TTC39C: variants seen among roughly 807,000 people sequenced by gnomAD.
TTC39C encodes the protein tetratricopeptide repeat domain 39C.
In TTC39C, 33 loss-of-function variants were observed where a neutral mutation model predicts 76.3. The observed-to-expected ratio is 0.43, with a 90% CI of 0.33 to 0.58. The LOEUF is 0.58. Among genes scored for constraint, TTC39C ranks in the 20% least tolerant of loss-of-function variants. The pLI is 0.04. For synonymous variants in TTC39C, 254 were observed against 260.6 expected, an observed-to-expected ratio of 0.97 and a Z score of 0.24; for missense variants, 595 against 701.4, an observed-to-expected ratio of 0.85 and a Z score of 1.71.
At chr18:24,064,542 G>T (rs186822131) in intron 2 of TTC39C, among the ~76,000 whole-genome samples, 24 of 152,300 alleles carry the variant, frequency 1.6e-4, no homozygotes, top group African/African-American at 5.5e-4. Context: ...ATGTGGACTA[G>T]AAGTCAAGTT....
At chr18:24,024,703 G>A (rs1338544916) in intron 1 of TTC39C, among the ~76,000 whole-genome samples, 2 of 152,104 alleles carry the variant, frequency 1.3e-5, no homozygotes, top group Non-Finnish European at 2.9e-5. Flanking sequence ...AAATCCCTCT[G>A]CACACCAACA....
chr18:24,113,504 C>T (rs2145807757), intron 6 of TTC39C: 1 of 687,956 alleles, frequency 1.5e-6, no homozygotes, highest in South Asian at 1.5e-5. Context: ...ATAGAGAAAG[C>T]AGCAGGAGAC....
At chr18:24,129,028 C>A in intron 11 of TTC39C, 45 bp downstream of exon 11, 1 of 1,481,968 alleles carries the variant, frequency 6.7e-7, no homozygotes, top group Non-Finnish European at 9.4e-7. Context: ...AAGTCACGAA[C>A]ACCTACGTAT....
At chr18:23,994,511 G>A (rs770845137) in intron 1 of TTC39C, 5 of 152,122 alleles carry the variant, frequency 3.3e-5, no homozygotes, top group African/African-American at 7.2e-5. Context: ...AAACCCATTA[G>A]CCTAGTTTAA....
intron 12 of TTC39C, among the ~76,000 whole-genome samples, chr18:24,131,063 A>C (rs1400603050): frequency 2.7e-5 from 4 of 147,152 alleles, no homozygotes; most frequent in Admixed American, 6.8e-5. Flanking sequence ...AAAAATCAAA[A>C]AACATAGTCA....
At chr18:24,020,039 C>T (rs1403073867) in intron 1 of TTC39C, 9 of 1,391,376 alleles carry the variant, frequency 6.5e-6, no homozygotes, top group Middle Eastern at 2.0e-4. Flanking sequence ...GTCATCTGCT[C>T]ACAGACAAGA....
At chr18:24,011,794 C>T (rs2083395289), upstream of TTC39C, among the ~76,000 whole-genome samples, 1 of 152,124 alleles carries the variant, frequency 6.6e-6, no homozygotes, top group South Asian at 2.1e-4. Flanking sequence ...TTCTTTTTCT[C>T]TTTTTTTCTC....
At chr18:24,026,781 C>G (rs563452906) in intron 1 of TTC39C, among the ~76,000 whole-genome samples, 14 of 152,290 alleles carry the variant, frequency 9.2e-5, no homozygotes, top group South Asian at 6.2e-4. Context: ...TTTGTTGCCT[C>G]CTTCCATCTG....
rs760218824 is a variant in TTC39C at position 24,130,402 on chromosome 18, A to G, written c.1608A>G (p.Leu536=). Residue 536 remains leucine (L), a synonymous_variant, in exon 12 of 14, where the codon CTA becomes CTG. Coordinates refer to ENST00000317571, the MANE Select transcript of TTC39C (RefSeq NM_001135993.2). ...CCTGTTATGAACTTGGCTGTCTTCT[A>G]TTAGACAAACCAGAGGTAAGATCTT... ...PYACYELGCL[L]LDKPETVGRG... is the part of the protein sequence containing the mutation. The G allele has an allele frequency of 3.3e-6, 5 of 1,526,460 alleles. No individual in the cohort carries two copies. The highest frequency in any genetic ancestry group is 1.9e-5 in the Admixed American group (1 of 51,596). 94.6% of individuals were successfully genotyped at this position (1,526,460 alleles called of 1,614,324 possible). A position where few individuals can be genotyped will look rare whatever the true frequency, so the allele number is the denominator to read the frequency against.
chr18:24,119,125 AT>A (rs11347012), intron 8 of TTC39C, among the ~76,000 whole-genome samples: 152,342 of 152,360 alleles, frequency 1, 76,162 homozygotes, highest in Middle Eastern at 1. Context: ...TCTGTTTTGA[AT>A]TAAGTGTTTT....
At chr18:24,007,107 A>T (rs1599227088) in intron 1 of TTC39C, among the ~76,000 whole-genome samples, 1 of 152,354 alleles carries the variant, frequency 6.6e-6, no homozygotes, top group South Asian at 2.1e-4. Context: ...CGTGGCACAG[A>T]GTTCTGGGTT....
chr18:24,083,288 C>T (rs560405038), intron 6 of TTC39C, among the ~76,000 whole-genome samples: 23 of 152,164 alleles, frequency 1.5e-4, no homozygotes, highest in Middle Eastern at 3.4e-3. Flanking sequence ...AAGATGTGGG[C>T]GAAGTAGGGG....
intron 1 of TTC39C, among the ~76,000 whole-genome samples, chr18:24,017,201 T>G (rs1459988325): frequency 6.6e-6 from 1 of 152,210 alleles, no homozygotes; most frequent in Non-Finnish European, 1.5e-5. Context: ...TTGTTTGTGG[T>G]GTGGACAATC....
rs187650527 is a variant in TTC39C at position 24,113,073 on chromosome 18, C to T, written c.985-1481C>T. On this transcript the variant is annotated intron_variant, in intron 6 of 13. Coordinates refer to ENST00000317571, the MANE Select transcript of TTC39C (RefSeq NM_001135993.2). ...TGTTGTGAGGTTTCCTCCAACTGGA[C>T]GTTAAGTTACTGAGAACAGGAATCA... Among the ~76,000 whole-genome samples, 8 of 152,174 alleles carry T rather than the reference C, an allele frequency of 5.3e-5. No individual in the cohort carries two copies. In the East Asian group the frequency reaches 9.7e-4, roughly 18 times the overall value.
intron 1 of TTC39C, chr18:24,020,143 A>G: frequency 8.1e-7 from 1 of 1,239,202 alleles, no homozygotes; most frequent in Non-Finnish European, 1.0e-6. Context: ...AAATGGTTTA[A>G]GGGAACTGGC....
intron 6 of TTC39C, among the ~76,000 whole-genome samples, chr18:24,111,918 TA>T (rs10535688): frequency 0.14 from 17,831 of 123,598 alleles, 1,224 homozygotes; most frequent in Middle Eastern, 0.3. Context: ...TATATATATA[TA>T]TATATTTTTT....
chr18:24,036,270 TG>T (rs1367407356), intron 1 of TTC39C, among the ~76,000 whole-genome samples: 1 of 152,214 alleles, frequency 6.6e-6, no homozygotes, highest in Non-Finnish European at 1.5e-5. Context: ...TAGAAGACGT[TG>T]GTATTTTGAT....
At chr18:24,072,512 G>C (rs548186687) in intron 4 of TTC39C, among the ~76,000 whole-genome samples, 22 of 152,198 alleles carry the variant, frequency 1.4e-4, no homozygotes, top group African/African-American at 5.3e-4. Flanking sequence ...GGCCAGGCTG[G>C]TCTCGAACTC....
At chr18:24,081,212 C>G (rs2084371608) in intron 5 of TTC39C, among the ~76,000 whole-genome samples, 1 of 152,180 alleles carries the variant, frequency 6.6e-6, no homozygotes, top group Admixed American at 6.5e-5. Flanking sequence ...GTTTTTGTGA[C>G]TTTGACCACA....
Sources: gnomAD v4.1 joint callset for allele counts (sites outside exome capture counted in the v4.1 genomes callset) on GRCh38, gnomAD v4.1.1 for gene constraint, MANE v1.5 for transcripts, NCBI Gene and HGNC (gene_info 2026-07-23, HGNC 2026-07-21) for gene names.